MARCHF1: variants seen among roughly 807,000 people sequenced by gnomAD.
The protein encoded by MARCHF1 is E3 ubiquitin-protein ligase MARCHF1.
In MARCHF1, 40 loss-of-function variants were observed where a neutral mutation model predicts 54.2. The ratio of observed to expected loss-of-function variants is 0.74; its 90% CI spans 0.57 to 0.96. MARCHF1 has a LOEUF of 0.96. Ranked by LOEUF, MARCHF1 falls within the 40% of genes least tolerant of loss-of-function variation. The pLI is 0.00. For synonymous variants in MARCHF1, 236 were observed against 236.3 expected (o/e 1.00, Z 0.01); for missense variants, 586 against 656.5 (o/e 0.89, Z 1.17).
At chr4:164,319,269 G>A (rs1185218319) in intron 1 of MARCHF1, among the ~76,000 whole-genome samples, 2 of 152,058 alleles carry the variant, frequency 1.3e-5, no homozygotes, top group East Asian at 3.9e-4. Context: ...AATGTATACA[G>A]GAGGATGTAT....
chr4:164,355,468 A>G (rs1370802220), intron 1 of MARCHF1, among the ~76,000 whole-genome samples: 1 of 130,494 alleles, frequency 7.7e-6, no homozygotes, highest in East Asian at 2.3e-4. Flanking sequence ...CCGCATACCT[A>G]CAAGTATCTG....
chr4:163,831,495 G>A (rs1749023844), intron 4 of MARCHF1, among the ~76,000 whole-genome samples: 1 of 152,180 alleles, frequency 6.6e-6, no homozygotes, highest in South Asian at 2.1e-4. Context: ...GGAGTCTGAG[G>A]TGGGGGGATT....
chr4:163,884,050 C>T (rs1306186621), intron 3 of MARCHF1, among the ~76,000 whole-genome samples: 2 of 152,050 alleles, frequency 1.3e-5, no homozygotes, highest in Non-Finnish European at 2.9e-5. Flanking sequence ...TAAAGAAATT[C>T]CTGATTTACT....
intron 1 of MARCHF1, among the ~76,000 whole-genome samples, chr4:164,194,715 T>C (rs1260691395): frequency 2.0e-5 from 3 of 152,156 alleles, no homozygotes; most frequent in African/African-American, 7.2e-5. Context: ...CTATTTGATA[T>C]CAAATAATGA....
chr4:163,579,884 C>T (rs1254464146), intron 8 of MARCHF1, among the ~76,000 whole-genome samples: 2 of 151,964 alleles, frequency 1.3e-5, no homozygotes, highest in African/African-American at 4.8e-5. Flanking sequence ...TTGCTGAGGG[C>T]TTTCTTATCA....
At chr4:164,319,158 C>T (rs532517163) in intron 1 of MARCHF1, among the ~76,000 whole-genome samples, 113 of 152,140 alleles carry the variant, frequency 7.4e-4, no homozygotes, top group Admixed American at 7.1e-3. Context: ...TGAACATGTA[C>T]GGACATTTTC....
rs574757887 is a variant in MARCHF1 at position 164,321,805 on chromosome 4, G to T, written c.-323+62065C>A. On this transcript the variant is annotated intron_variant, in intron 1 of 9. Transcript: ENST00000514618. The stretch of plus-strand genomic sequence containing the variant: ...GGAAAATAAATAATGGCAATCAATG[G>T]CTCTTGTATTTACTAATAGATAAAT... Among the ~76,000 whole-genome samples, 151 of 152,122 alleles carry T rather than the reference G, an allele frequency of 9.9e-4. 1 individual carries two copies. The highest frequency in any genetic ancestry group is 3.5e-3 in the African/African-American group (147 of 41,534).
intron 1 of MARCHF1, among the ~76,000 whole-genome samples, chr4:164,243,122 A>T (rs1732826543): frequency 8.0e-6 from 1 of 124,648 alleles, no homozygotes; most frequent in South Asian, 2.9e-4. Context: ...CAGGAAATAC[A>T]GAGAACGCCA....
At chr4:164,135,855 G>A (rs780165617) in intron 1 of MARCHF1, among the ~76,000 whole-genome samples, 6 of 152,158 alleles carry the variant, frequency 3.9e-5, no homozygotes, top group South Asian at 2.1e-4. Flanking sequence ...AGAAACTTAC[G>A]TTTTTCCTCA....
intron 1 of MARCHF1, chr4:164,330,119 C>G (rs774093314): frequency 1.3e-5 from 2 of 151,698 alleles, no homozygotes; most frequent in Non-Finnish European, 2.9e-5. Context: ...CAAGGGCATT[C>G]TCGCCTTCTG....
Position 164,181,115 on chromosome 4 carries a change from A to T in MARCHF1, c.-322-69453T>A, listed in dbSNP as rs569753397. On this transcript the variant is annotated intron_variant, in intron 1 of 9. Coordinates refer to ENST00000514618, the MANE Select transcript of MARCHF1 (RefSeq NM_001394959.1). ...CAAGCTCCCACAGTGTGGGGTCCCC[A>T]TTGCCTCTCCCACTTTAGCCACCTA... is the stretch of plus-strand genomic sequence containing the variant. Among the ~76,000 whole-genome samples, 13 of 152,126 alleles carry T rather than the reference A, an allele frequency of 8.5e-5. No homozygotes were observed. In the East Asian group the frequency reaches 2.5e-3, roughly 29 times the overall value.
chr4:164,114,664 A>C (rs1428375383), intron 1 of MARCHF1, among the ~76,000 whole-genome samples: 1 of 151,914 alleles, frequency 6.6e-6, no homozygotes, highest in East Asian at 1.9e-4. Context: ...ACAATGAAAT[A>C]ATCAGAAGAT....
At chr4:163,559,131 T>C (rs1420450923) in intron 8 of MARCHF1, among the ~76,000 whole-genome samples, 4 of 152,206 alleles carry the variant, frequency 2.6e-5, no homozygotes, top group Non-Finnish European at 5.9e-5. Flanking sequence ...TCTATGTCTC[T>C]TTCAACTTTT....
intron 8 of MARCHF1, among the ~76,000 whole-genome samples, chr4:163,572,859 T>A (rs899147368): frequency 6.6e-6 from 1 of 152,094 alleles, no homozygotes; most frequent in African/African-American, 2.4e-5. Context: ...TTCCCACATA[T>A]TTTAGAATCT....
At chr4:164,331,857 CAG>C (rs1437034095) in intron 1 of MARCHF1, among the ~76,000 whole-genome samples, 1 of 152,068 alleles carries the variant, frequency 6.6e-6, no homozygotes, top group Admixed American at 6.6e-5. Context: ...TATACAATAA[CAG>C]AGAAGAAAAT....
chr4:163,678,687 T>G (rs1743996080), intron 5 of MARCHF1, among the ~76,000 whole-genome samples: 1 of 152,342 alleles, frequency 6.6e-6, no homozygotes, highest in Admixed American at 6.5e-5. Context: ...TCATTGCCTG[T>G]GTCTCTTTGG....
chr4:163,826,368 G>A (rs1430188276), intron 4 of MARCHF1, among the ~76,000 whole-genome samples: 1 of 151,984 alleles, frequency 6.6e-6, no homozygotes, highest in Non-Finnish European at 1.5e-5. Flanking sequence ...TTAGAAAGAA[G>A]TCAATGTAAG....
intron 1 of MARCHF1, among the ~76,000 whole-genome samples, chr4:164,376,509 G>A (rs1731197402): frequency 6.6e-6 from 1 of 152,160 alleles, no homozygotes; most frequent in East Asian, 1.9e-4. Flanking sequence ...GAGTAGGAGT[G>A]AGGCACCGGG....
chr4:163,741,206 A>T (rs146183183), intron 4 of MARCHF1, among the ~76,000 whole-genome samples: 1,935 of 152,266 alleles, frequency 0.013, 7 homozygotes, highest in Middle Eastern at 0.031. Flanking sequence ...CTAAATTTGG[A>T]ACACTGTTCT....
Sources: allele counts gnomAD v4.1 joint callset (sites outside exome capture counted in the v4.1 genomes callset), GRCh38; gene constraint gnomAD v4.1.1; transcripts MANE v1.5; gene names NCBI Gene and HGNC (gene_info 2026-07-23, HGNC 2026-07-21).